The following TEX35 variants were observed in gnomAD, a reference collection of about 807,000 sequenced individuals.
TEX35 encodes the protein testis expressed 35.
TEX35 carries 26 observed loss-of-function variants against 31.9 expected under a neutral mutation model. The ratio of observed to expected loss-of-function variants is 0.81; its 90% CI spans 0.60 to 1.13. The LOEUF (loss-of-function observed/expected upper bound fraction) is 1.13. TEX35 is among the 50% of genes most tolerant of loss of function. The pLI is 0.00. For synonymous variants in TEX35, 87 were observed against 90.7 expected (o/e 0.96, Z 0.23); for missense variants, 278 against 273.5 (o/e 1.02, Z -0.12).
chr1:178,516,351 C>A (rs772830514), intron 4 of TEX35, among the ~76,000 whole-genome samples: 4 of 152,234 alleles, frequency 2.6e-5, no homozygotes, highest in Admixed American at 6.5e-5. Flanking sequence ...AAAGTGTAAT[C>A]GAAGCTGTGG....
chr1:178,517,253 G>A (rs1322955188), intron 5 of TEX35, among the ~76,000 whole-genome samples: 5 of 152,176 alleles, frequency 3.3e-5, no homozygotes, highest in Non-Finnish European at 7.3e-5. Flanking sequence ...TATTAAATCA[G>A]CCCAACGATA....
rs770475800 is a variant in TEX35 at position 178,514,686 on chromosome 1, G to C, written c.91-14G>C. 1 of 1,613,156 alleles carries C rather than the reference G, an allele frequency of 6.2e-7. No individual in the cohort carries two copies. Among genetic ancestry groups the C allele is most frequent in the Admixed American group, 1.7e-5 (1 of 59,926 alleles). ...GCAATTCCCAAAGGTCTGTGTTCCT[G>C]TTTCAATCCACAGACATTTGATTAC... On this transcript the variant is annotated splice_polypyrimidine_tract_variant and intron_variant, in intron 2 of 8. Coordinates refer to ENST00000319416, the MANE Select transcript of TEX35 (RefSeq NM_032126.5).
At chr1:178,518,090 AGT>A (rs1438060340) in intron 5 of TEX35, among the ~76,000 whole-genome samples, 1 of 152,206 alleles carries the variant, frequency 6.6e-6, no homozygotes, top group African/African-American at 2.4e-5. Context: ...AAAATAGACG[AGT>A]GTGAACAGAC....
intron 2 of TEX35, 48 bp downstream of exon 2, chr1:178,514,125 T>C (rs1572171816): frequency 1.9e-6 from 3 of 1,613,898 alleles, no homozygotes; most frequent in East Asian, 2.2e-5. Flanking sequence ...CTGAGATCCA[T>C]GGGGAAGTGA....
At position 178,520,893 on chromosome 1, in the gene TEX35, G is replaced by A. The variant is rs200291780; in HGVS notation, c.543+19G>A. ...CTGCTGCGTAAGTGAAACCCTGCCCGAGCCCAGCACTGGTGCCAGACCCCT... is the reference window on the plus strand; with the variant it reads ...CTGCTGCGTAAGTGAAACCCTGCCCAAGCCCAGCACTGGTGCCAGACCCCT... On this transcript the variant is annotated intron_variant, in intron 7 of 8. Transcript: ENST00000319416. The A allele has an allele frequency of 1.2e-4, 188 of 1,613,042 alleles. No homozygotes were observed. The highest frequency in any genetic ancestry group is 1.4e-4 in the Non-Finnish European group (161 of 1,179,726).
intron 8 of TEX35, 34 bp downstream of exon 8, chr1:178,521,298 G>T (rs746543349): frequency 2.9e-5 from 47 of 1,613,118 alleles, no homozygotes; most frequent in Non-Finnish European, 3.5e-5. Context: ...GCCTTTTCTC[G>T]ATCAGGTGCC....
At chr1:178,513,935 G>A in intron 1 of TEX35, 92 bp from the exon 2 acceptor site, 1 of 1,459,326 alleles carries the variant, frequency 6.9e-7, no homozygotes, top group Non-Finnish European at 9.4e-7. Flanking sequence ...GGTTGTGGGG[G>A]GCAGGGGGCA....
chr1:178,518,201 C>T (rs1306684103), intron 5 of TEX35, among the ~76,000 whole-genome samples: 1 of 151,970 alleles, frequency 6.6e-6, no homozygotes, highest in African/African-American at 2.4e-5. Flanking sequence ...ATTATTGTTA[C>T]ACTCAAGCAA....
chr1:178,522,133 C>T (rs1331763911), intron 8 of TEX35, 192 bp from the exon 9 acceptor site: 2 of 792,372 alleles, frequency 2.5e-6, no homozygotes, highest in Non-Finnish European at 3.8e-6. Flanking sequence ...GTGCATGGGG[C>T]CAGGGTGTCT....
In TEX35 at chr1:178,515,839, T is replaced by C. The variant is rs763016904; in HGVS notation, c.160-20T>C. 1 of 1,601,766 alleles carries C rather than the reference T, an allele frequency of 6.2e-7. No individual in the cohort carries two copies. Among genetic ancestry groups the C allele is most frequent in the Non-Finnish European group, 8.5e-7 (1 of 1,171,010 alleles). On this transcript the variant is annotated intron_variant, in intron 3 of 8. Coordinates refer to ENST00000319416, the MANE Select transcript of TEX35 (RefSeq NM_032126.5). ...CTAGATATTTCTTTCCTCCTTCTCT[T>C]CTCCATTTTATTTCCTCAGAATGAA...
rs750477123 is a variant in TEX35, at chr1:178,513,164, G to T, written c.-25G>T. ...GTCCCAGGGGCTGTTGTGGGGAGTT[G>T]AAGAACACCCTGGCCTCCTCCATCA... On this transcript the variant is annotated 5_prime_UTR_variant, in exon 1 of 9. Coordinates refer to ENST00000319416, the MANE Select transcript of TEX35 (RefSeq NM_032126.5). The T allele has an allele frequency of 1.8e-5, 29 of 1,613,852 alleles. No homozygotes were observed. Among genetic ancestry groups the T allele is most frequent in the Non-Finnish European group, 2.2e-5 (26 of 1,179,922 alleles).
In TEX35 at chr1:178,515,543, T is replaced by C. The variant is rs576798373; in HGVS notation, c.160-316T>C. On this transcript the variant is annotated intron_variant, in intron 3 of 8. Transcript: ENST00000319416. ...CACATGATGCCTGTAGGTCCCACTA[T>C]CTTATAGTCTTTTTAAAACATTAAT... Among the ~76,000 whole-genome samples the C allele has an allele frequency of 2.0e-5, 3 of 152,238 alleles. No homozygotes were observed. In the South Asian group the frequency reaches 6.2e-4, roughly 32 times the overall value.
chr1:178,520,142 A>G (rs2101897240), intron 5 of TEX35, among the ~76,000 whole-genome samples: 1 of 152,230 alleles, frequency 6.6e-6, no homozygotes, highest in Non-Finnish European at 1.5e-5. Flanking sequence ...TCACCTAGAG[A>G]CTTCAGAAAA....
At chr1:178,516,824 C>T in intron 5 of TEX35, 150 bp downstream of exon 5, 2 of 568,758 alleles carry the variant, frequency 3.5e-6, no homozygotes, top group South Asian at 5.4e-5. Flanking sequence ...ATAATTAATT[C>T]GTTGTTTGCT....
intron 3 of TEX35, 34 bp from the exon 4 acceptor site, chr1:178,515,825 T>C (rs1434933888): frequency 1.3e-6 from 2 of 1,572,724 alleles, no homozygotes; most frequent in East Asian, 2.2e-5. Context: ...TAGATATTTC[T>C]TTCCTCCTTC....
intron 2 of TEX35, 117 bp downstream of exon 2, chr1:178,514,194 G>A (rs1242745891): frequency 6.3e-7 from 1 of 1,588,946 alleles, no homozygotes. Context: ...AGGTGCTGGG[G>A]GATGCACTGA....
At chr1:178,521,462 C>G in intron 8 of TEX35, 198 bp downstream of exon 8, 1 of 1,008,396 alleles carries the variant, frequency 9.9e-7, no homozygotes, top group Non-Finnish European at 1.5e-6. Context: ...GTCACCCAGC[C>G]TAGAGGCTGC....
chr1:178,523,489 C>T, downstream of TEX35: 1 of 466,488 alleles, frequency 2.1e-6, no homozygotes, highest in Middle Eastern at 5.6e-4. Context: ...GTATTTGGTG[C>T]TTCAGATAAA....
chr1:178,513,875 G>T (rs1026700537), intron 1 of TEX35, 152 bp from the exon 2 acceptor site: 13 of 766,478 alleles, frequency 1.7e-5, no homozygotes, highest in Admixed American at 5.5e-5. Context: ...TCCGGGTGCT[G>T]CGGGGTCTGT....
Sources: gnomAD v4.1 joint callset for allele counts (sites outside exome capture counted in the v4.1 genomes callset) on GRCh38, gnomAD v4.1.1 for gene constraint, MANE v1.5 for transcripts, NCBI Gene and HGNC (gene_info 2026-07-23, HGNC 2026-07-21) for gene names.